RBFOX2: variants seen among roughly 807,000 people sequenced by gnomAD.
The protein encoded by RBFOX2 is RNA binding fox-1 homolog 2, also known as RNA binding protein fox-1 homolog 2.
A neutral mutation model predicts 49.1 loss-of-function variants in RBFOX2; 10 were observed. That is an observed-to-expected ratio of 0.20 (90% CI 0.13 to 0.35). The LOEUF (loss-of-function observed/expected upper bound fraction) is 0.35. Among genes scored for constraint, RBFOX2 ranks in the 10% least tolerant of loss-of-function variants. RBFOX2 has a pLI of 1.00. For synonymous variants in RBFOX2, 183 were observed against 187.4 expected (o/e 0.98, Z 0.19); for missense variants, 323 against 486.9 (o/e 0.66, Z 3.17).
chr22:35,777,153 A>G (rs1030429224), intron 4 of RBFOX2, among the ~76,000 whole-genome samples: 3 of 151,856 alleles, frequency 2.0e-5, no homozygotes, highest in African/African-American at 7.3e-5. Context: ...CTGGGATTAC[A>G]GGCGTGTGCC....
chr22:35,994,260 G>A (rs370128837), intron 1 of RBFOX2: 3 of 151,004 alleles, frequency 2.0e-5, no homozygotes, highest in East Asian at 3.9e-4. Context: ...ATTTCAACAT[G>A]TTGATTTTAA....
At chr22:36,011,841 T>C (rs1295012083) in intron 1 of RBFOX2, among the ~76,000 whole-genome samples, 1 of 152,104 alleles carries the variant, frequency 6.6e-6, no homozygotes, top group Non-Finnish European at 1.5e-5. Context: ...AAATGAAAGA[T>C]TCTACTGAGC....
At chr22:35,916,541 C>G (rs1436071918) in intron 1 of RBFOX2, among the ~76,000 whole-genome samples, 1 of 152,180 alleles carries the variant, frequency 6.6e-6, no homozygotes, top group East Asian at 1.9e-4. Flanking sequence ...CTCGGCCTCC[C>G]AAAGGGCTGG....
At chr22:35,832,790 G>A (rs976221223) in intron 1 of RBFOX2, among the ~76,000 whole-genome samples, 1 of 152,134 alleles carries the variant, frequency 6.6e-6, no homozygotes, top group Non-Finnish European at 1.5e-5. Context: ...CAAGATCTGA[G>A]CCAAGACTGC....
At chr22:35,775,014 C>T (rs1005465989) in intron 4 of RBFOX2, among the ~76,000 whole-genome samples, 6 of 152,184 alleles carry the variant, frequency 3.9e-5, no homozygotes, top group Admixed American at 3.3e-4. Context: ...TAGAGGAACT[C>T]TTAGCTAAAC....
At chr22:35,989,489 T>C (rs1334256020) in intron 1 of RBFOX2, among the ~76,000 whole-genome samples, 2 of 152,094 alleles carry the variant, frequency 1.3e-5, no homozygotes, top group South Asian at 2.1e-4. Context: ...AGTTTCAATG[T>C]TGTGGTTAAA....
At chr22:35,997,272 A>G (rs2058230987) in intron 1 of RBFOX2, 1 of 152,088 alleles carries the variant, frequency 6.6e-6, no homozygotes, top group Non-Finnish European at 1.5e-5. Flanking sequence ...AGAAGCGGTC[A>G]TACCTTAAAA....
intron 1 of RBFOX2, among the ~76,000 whole-genome samples, chr22:35,978,722 A>G (rs1343893616): frequency 6.6e-6 from 1 of 152,246 alleles, no homozygotes; most frequent in African/African-American, 2.4e-5. Flanking sequence ...AATGGACTAC[A>G]GCCCACTGAA....
At chr22:36,012,701 G>A (rs193039615) in intron 1 of RBFOX2, among the ~76,000 whole-genome samples, 1 of 152,114 alleles carries the variant, frequency 6.6e-6, no homozygotes, top group African/African-American at 2.4e-5. Context: ...AAATTATTAA[G>A]ATTTAAAAAA....
intron 1 of RBFOX2, among the ~76,000 whole-genome samples, chr22:35,908,957 C>T (rs2049445481): frequency 1.3e-5 from 2 of 152,032 alleles, no homozygotes; most frequent in African/African-American, 4.8e-5. Flanking sequence ...ATTCTCCTGC[C>T]TCAGCCTCCC....
intron 1 of RBFOX2, among the ~76,000 whole-genome samples, chr22:35,834,879 C>G (rs1205996159): frequency 6.6e-6 from 1 of 152,106 alleles, no homozygotes; most frequent in African/African-American, 2.4e-5. Context: ...ACAGGAATGA[C>G]AAAATCAGAC....
rs1385650830 is a variant in RBFOX2, at chr22:35,761,308, T to C, written c.662-14A>G. Reference sequence around the variant, plus strand: ...GAAAGCTGGATGCTGATTGGATTTTTAAAAAATTTAAAAATGCAAGAAGAT... The same window carrying C: ...GAAAGCTGGATGCTGATTGGATTTTCAAAAAATTTAAAAATGCAAGAAGAT... On this transcript the variant is annotated splice_polypyrimidine_tract_variant and intron_variant, in intron 7 of 11. Coordinates refer to ENST00000405409, the Ensembl canonical transcript of RBFOX2. 6.2e-7 allele frequency: 1 copy of C among 1,613,866 alleles called. No individual in the cohort carries two copies. The highest frequency in any genetic ancestry group is 8.5e-7 in the Non-Finnish European group (1 of 1,179,940).
intron 1 of RBFOX2, among the ~76,000 whole-genome samples, chr22:35,955,992 T>C (rs1458855329): frequency 6.6e-6 from 1 of 152,246 alleles, no homozygotes; most frequent in African/African-American, 2.4e-5. Flanking sequence ...TTAGTTGCAA[T>C]GTGGCATGTG....
At chr22:35,785,897 A>G (rs573150741) in intron 2 of RBFOX2, among the ~76,000 whole-genome samples, 25 of 152,366 alleles carry the variant, frequency 1.6e-4, no homozygotes, top group Non-Finnish European at 3.5e-4. Context: ...ACCAACACGC[A>G]GTCAAAGCAA....
chr22:36,016,677 C>A (rs1245488185), intron 1 of RBFOX2, among the ~76,000 whole-genome samples: 1 of 152,220 alleles, frequency 6.6e-6, no homozygotes, highest in Non-Finnish European at 1.5e-5. Context: ...TGAACACACC[C>A]ATGTGGAAGT....
intron 4 of RBFOX2, among the ~76,000 whole-genome samples, chr22:35,775,488 T>G (rs1943651254): frequency 6.6e-6 from 1 of 152,132 alleles, no homozygotes; most frequent in Non-Finnish European, 1.5e-5. Context: ...AAGAGAAAGC[T>G]CATGTCATTA....
intron 1 of RBFOX2, among the ~76,000 whole-genome samples, chr22:35,813,564 C>T (rs569149671): frequency 3.3e-5 from 5 of 152,320 alleles, no homozygotes; most frequent in Admixed American, 3.3e-4. Context: ...GTAATTCCTT[C>T]CTTTCCTATA....
rs556795687 is a variant in RBFOX2 at position 35,764,502 on chromosome 22, G to A, written c.607+921C>T. On this transcript the variant is annotated intron_variant, in intron 6 of 11. Transcript: ENST00000405409. ...GGGAGGCTGAGGGCAGGAGAATGGC[G>A]TGAACCTGGGAAGCAGAGCTTGCAG... 6.0e-5 allele frequency among the ~76,000 whole-genome samples: 9 copies of A among 149,844 alleles called. No homozygotes were observed. In the South Asian group the frequency reaches 1.3e-3, roughly 22 times the overall value.
chr22:36,020,176 G>A (rs530777879), intron 1 of RBFOX2, among the ~76,000 whole-genome samples: 140 of 152,290 alleles, frequency 9.2e-4, no homozygotes, highest in African/African-American at 3.2e-3. Context: ...AAACGGTGCT[G>A]GGAAAACTGG....
Sources: allele counts gnomAD v4.1 joint callset (sites outside exome capture counted in the v4.1 genomes callset), GRCh38; gene constraint gnomAD v4.1.1; transcripts MANE v1.5; gene names NCBI Gene and HGNC (gene_info 2026-07-23, HGNC 2026-07-21).